Variants in KCNQ1 observed in about 807,000 individuals in gnomAD.
The protein encoded by KCNQ1 is potassium voltage-gated channel subfamily KQT member 1.
Under a neutral mutation model 72.4 loss-of-function variants are expected in KCNQ1, and 49 were observed. The observed-to-expected ratio is 0.68, with a 90% CI of 0.54 to 0.86. The LOEUF (loss-of-function observed/expected upper bound fraction) is 0.86, where lower values mean the gene tolerates loss of function less well. Among genes scored for constraint, KCNQ1 ranks in the 40% least tolerant of loss-of-function variants. KCNQ1 has a pLI of 0.00. For synonymous variants in KCNQ1, 450 were observed against 412.6 expected (o/e 1.09, Z -1.10); for missense variants, 790 against 945.1 (o/e 0.84, Z 2.15).
intron 10 of KCNQ1, chr11:2,646,979 C>G (rs1315926396): frequency 2.5e-6 from 1 of 398,340 alleles, no homozygotes; most frequent in African/African-American, 2.1e-5. Context: ...TACCCTTTTT[C>G]TTTTACTTGC....
chr11:2,696,767 G>A (rs923815779), intron 11 of KCNQ1: 9 of 398,496 alleles, frequency 2.3e-5, no homozygotes, highest in Admixed American at 8.8e-5. Context: ...CATAAAAGTC[G>A]TCGTCTTTGT....
At chr11:2,596,324 T>A (rs74950410) in intron 10 of KCNQ1, among the ~76,000 whole-genome samples, 1,819 of 152,296 alleles carry the variant, frequency 0.012, 28 homozygotes, top group African/African-American at 0.041. Flanking sequence ...CTACAGCGAT[T>A]CTATTCCTAG....
Position 2,536,148 on chromosome 11 carries a change from C to G in KCNQ1, c.477+8130C>G, listed in dbSNP as rs770627485. Among the ~76,000 whole-genome samples the G allele has an allele frequency of 5.3e-5, 8 of 152,172 alleles. No individual in the cohort carries two copies. Among genetic ancestry groups the G allele is most frequent in the Non-Finnish European group, 1.0e-4 (7 of 68,028 alleles). ...GCTGCTGAAGGAAGGCTGGTCCGCT[C>G]CCTGCCTGTGACAGGAGCTCAGGCT... On this transcript the variant is annotated intron_variant, in intron 2 of 15. Coordinates refer to ENST00000155840, the MANE Select transcript of KCNQ1 (RefSeq NM_000218.3). This position sits in a 1 kb window ranked among gnomAD's most constrained non-coding sequence, Gnocchi z 7.4.
Position 2,787,760 on chromosome 11 carries a change from G to A in KCNQ1, c.1794+9723G>A, listed in dbSNP as rs894743616. Reference sequence around the variant, plus strand: ...AGTTTTCATGAGAACGACTTGGTCTGTATTTAGATTTCATAAAATTTACCA... The same window carrying A: ...AGTTTTCATGAGAACGACTTGGTCTATATTTAGATTTCATAAAATTTACCA... On this transcript the variant is annotated intron_variant, in intron 15 of 15. Transcript: ENST00000155840. This position sits in a 1 kb window ranked among gnomAD's most constrained non-coding sequence, Gnocchi z 6.3. Among the ~76,000 whole-genome samples the A allele has an allele frequency of 6.6e-6, 1 of 152,138 alleles. No homozygotes were observed. Among genetic ancestry groups the A allele is most frequent in the African/African-American group, 2.4e-5 (1 of 41,434 alleles).
chr11:2,581,615 A>C (rs985108481), intron 6 of KCNQ1, among the ~76,000 whole-genome samples: 5 of 152,214 alleles, frequency 3.3e-5, no homozygotes, highest in African/African-American at 1.2e-4. Context: ...TCTGCACCTG[A>C]ATGTGCCCTG....
rs1848721054 is a variant in KCNQ1, at chr11:2,595,474, T to A, written c.1393+6620T>A. On this transcript the variant is annotated intron_variant, in intron 10 of 15. Transcript: ENST00000155840. This position sits in a 1 kb window ranked among gnomAD's most constrained non-coding sequence, Gnocchi z 5.0. ...AGTTGAAGCCAGTACTCACGTACCA[T>A]TTCAACAATCCTAGGGCCCTTAAGA... 6.6e-6 allele frequency among the ~76,000 whole-genome samples: 1 copy of A among 152,222 alleles called. No homozygotes were observed. Among genetic ancestry groups the A allele is most frequent in the Non-Finnish European group, 1.5e-5 (1 of 68,042 alleles).
rs1314403540 is a variant in KCNQ1 at position 2,497,015 on chromosome 11, G to C, written c.387-30913G>C. Reference sequence around the variant, plus strand: ...GCTCCCACTCTCTTCTGGCTTGTAGGGTTTCTGCAGAGAGATTTGCTGTTA... The same window carrying C: ...GCTCCCACTCTCTTCTGGCTTGTAGCGTTTCTGCAGAGAGATTTGCTGTTA... On this transcript the variant is annotated intron_variant, in intron 1 of 15. Coordinates refer to ENST00000155840, the MANE Select transcript of KCNQ1 (RefSeq NM_000218.3). The surrounding 1 kb of genome is among the most constrained non-coding windows in gnomAD (Gnocchi z 4.5). Among the ~76,000 whole-genome samples the C allele has an allele frequency of 2.6e-5, 4 of 152,080 alleles. No homozygotes were observed. The highest frequency in any genetic ancestry group is 5.9e-5 in the Non-Finnish European group (4 of 68,018).
At position 2,818,905 on chromosome 11, in the gene KCNQ1, G is replaced by A. The variant is rs1459226783; in HGVS notation, c.1795-28862G>A. On this transcript the variant is annotated intron_variant, in intron 15 of 15. Coordinates refer to ENST00000155840, the MANE Select transcript of KCNQ1 (RefSeq NM_000218.3). This position sits in a 1 kb window ranked among gnomAD's most constrained non-coding sequence, Gnocchi z 7.2. ...TCACATCTAGGAGAGTGGGCCACAT[G>A]CCTCTTGGAAGGCAGGTGGCACAAG... 2.6e-5 allele frequency among the ~76,000 whole-genome samples: 4 copies of A among 152,048 alleles called. No individual in the cohort carries two copies. The highest frequency in any genetic ancestry group is 1.9e-4 in the East Asian group (1 of 5,174).
chr11:2,629,489 TTTGAG>T, intron 10 of KCNQ1: 1 of 398,490 alleles, frequency 2.5e-6, no homozygotes, highest in Non-Finnish European at 4.4e-6. Context: ...TGTGGTCCAC[TTTGAG>T]TTAATTTTTG....
In KCNQ1 at chr11:2,687,266, C is replaced by A; in HGVS notation, c.1514+25185C>A. 2.5e-6 allele frequency: 1 copy of A among 398,682 alleles called. No individual in the cohort carries two copies. The highest frequency in any genetic ancestry group is 4.4e-6 in the Non-Finnish European group (1 of 226,110). The allele number at this position is 398,682 out of a possible 1,614,324, so 24.7% of individuals were successfully genotyped here. A position where few individuals can be genotyped will look rare whatever the true frequency, so the allele number is the denominator to read the frequency against. On this transcript the variant is annotated intron_variant, in intron 11 of 15. Coordinates refer to ENST00000155840, the MANE Select transcript of KCNQ1 (RefSeq NM_000218.3). The surrounding 1 kb of genome is among the most constrained non-coding windows in gnomAD (Gnocchi z 5.0). ...ATCACTACCAGCTCCGGGCTTCTCT[C>A]CTCTGGCCTCCCACCTTGCAGCTTT... is the stretch of plus-strand genomic sequence containing the variant.
intron 1 of KCNQ1, among the ~76,000 whole-genome samples, chr11:2,465,234 A>C (rs1846335221): frequency 2.6e-5 from 4 of 152,038 alleles, no homozygotes; most frequent in Admixed American, 2.0e-4. Flanking sequence ...GTCATCACTC[A>C]CTGCAGTGCG....
At chr11:2,692,541 C>T in intron 11 of KCNQ1, 1 of 398,800 alleles carries the variant, frequency 2.5e-6, no homozygotes. Flanking sequence ...CCAGAGGGCC[C>T]TTGGCCTGCC....
At chr11:2,701,829 T>C (rs1850820470) in intron 11 of KCNQ1, among the ~76,000 whole-genome samples, 1 of 152,254 alleles carries the variant, frequency 6.6e-6, no homozygotes, top group African/African-American at 2.4e-5. Context: ...GCTGGAGTCC[T>C]GACCCTGGCC....
At chr11:2,531,121 C>G (rs372800617) in intron 2 of KCNQ1, among the ~76,000 whole-genome samples, 1 of 152,262 alleles carries the variant, frequency 6.6e-6, no homozygotes, top group African/African-American at 2.4e-5. Flanking sequence ...GCTGGGAGGG[C>G]GAAGCCTGGA....
intron 11 of KCNQ1, among the ~76,000 whole-genome samples, chr11:2,743,815 G>A (rs769543557): frequency 2.6e-5 from 4 of 152,362 alleles, no homozygotes; most frequent in East Asian, 1.9e-4. Context: ...TTTAGTCAGC[G>A]GACTGCCTCA....
In KCNQ1 at chr11:2,516,100, T is replaced by A. The variant is rs1847284892; in HGVS notation, c.387-11828T>A. Among the ~76,000 whole-genome samples, 2 of 152,002 alleles carry A rather than the reference T, an allele frequency of 1.3e-5. No individual in the cohort carries two copies. The highest frequency in any genetic ancestry group is 4.1e-4 in the South Asian group (2 of 4,824). On this transcript the variant is annotated intron_variant, in intron 1 of 15. Transcript: ENST00000155840. The surrounding 1 kb of genome is among the most constrained non-coding windows in gnomAD (Gnocchi z 7.0). ...GCCAGGCTGCCTGGATGCCCACCACTCCAGGCTTACTTCTGGGTTGTAGTT... is the reference window on the plus strand; with the variant it reads ...GCCAGGCTGCCTGGATGCCCACCACACCAGGCTTACTTCTGGGTTGTAGTT...
At position 2,826,203 on chromosome 11, in the gene KCNQ1, T is replaced by C. The variant is rs555634988; in HGVS notation, c.1795-21564T>C. Among the ~76,000 whole-genome samples the C allele has an allele frequency of 2.0e-5, 3 of 152,326 alleles. No individual in the cohort carries two copies. The highest frequency in any genetic ancestry group is 2.1e-4 in the South Asian group (1 of 4,832). On this transcript the variant is annotated intron_variant, in intron 15 of 15. Transcript: ENST00000155840. The surrounding 1 kb of genome is among the most constrained non-coding windows in gnomAD (Gnocchi z 4.2). ...TCCGAGGGAGTGCTATTGTTTTTCA[T>C]GTCAGCTGCATTTTAAGGCTACATT...
intron 10 of KCNQ1, among the ~76,000 whole-genome samples, chr11:2,590,141 T>C (rs1174222780): frequency 6.6e-6 from 1 of 152,230 alleles, no homozygotes; most frequent in South Asian, 2.1e-4. Flanking sequence ...TTCTGTCCTC[T>C]GAGCCCAGCG....
chr11:2,777,188 C>T (rs1270153952), intron 14 of KCNQ1, among the ~76,000 whole-genome samples, 156 bp downstream of exon 14: 1 of 152,152 alleles, frequency 6.6e-6, no homozygotes, highest in Non-Finnish European at 1.5e-5. Flanking sequence ...GGAGGTAGAC[C>T]CCACCCTTAG....
Sources: gnomAD v4.1 joint callset for allele counts (sites outside exome capture counted in the v4.1 genomes callset) on GRCh38, gnomAD v4.1.1 for gene constraint, Gnocchi (gnomAD v3.1) non-coding constraint, MANE v1.5 for transcripts, NCBI Gene and HGNC (gene_info 2026-07-23, HGNC 2026-07-21) for gene names.